The following KANSL1L variants were observed in gnomAD, a reference collection of about 807,000 sequenced individuals.
KANSL1L encodes KAT8 regulatory NSL complex subunit 1 like.
In KANSL1L, 25 loss-of-function variants were observed where a neutral mutation model predicts 108.6. The ratio of observed to expected loss-of-function variants is 0.23; its 90% CI spans 0.17 to 0.32. The LOEUF (loss-of-function observed/expected upper bound fraction) is 0.32. Among genes scored for constraint, KANSL1L ranks in the 10% least tolerant of loss-of-function variants. KANSL1L has a pLI of 1.00. For missense variants in KANSL1L, 1,137 were observed against 1,125.7 expected (o/e 1.01, Z -0.14); for synonymous variants, 405 against 395.1 (o/e 1.03, Z -0.30).
intron 3 of KANSL1L, among the ~76,000 whole-genome samples, chr2:210,105,066 C>T (rs1455078373): frequency 6.6e-6 from 1 of 152,024 alleles, no homozygotes; most frequent in Non-Finnish European, 1.5e-5. Flanking sequence ...TCCTCCATTC[C>T]CCAGCTTCCT....
At chr2:210,108,264 A>G (rs547041562) in intron 3 of KANSL1L, among the ~76,000 whole-genome samples, 10 of 152,330 alleles carry the variant, frequency 6.6e-5, no homozygotes, top group African/African-American at 1.9e-4. Context: ...CATGTTCCAT[A>G]AAATAAACAT....
chr2:210,088,033 T>A (rs2094654523), intron 5 of KANSL1L, among the ~76,000 whole-genome samples: 1 of 152,206 alleles, frequency 6.6e-6, no homozygotes. Context: ...TCTGGTTTTG[T>A]TCATTATCAT....
chr2:210,082,112 C>G (rs2125351414), intron 5 of KANSL1L, among the ~76,000 whole-genome samples: 1 of 152,166 alleles, frequency 6.6e-6, no homozygotes, highest in East Asian at 1.9e-4. Context: ...TTTTTATGTT[C>G]CATACAGACA....
chr2:210,053,168 T>C (rs73063929), intron 6 of KANSL1L, among the ~76,000 whole-genome samples: 2,480 of 152,338 alleles, frequency 0.016, 73 homozygotes, highest in African/African-American at 0.056. Context: ...TTCAAGTTTA[T>C]TTAAAGGCCT....
At chr2:210,072,837 C>T (rs1470781528) in intron 6 of KANSL1L, among the ~76,000 whole-genome samples, 1 of 152,118 alleles carries the variant, frequency 6.6e-6, no homozygotes, top group Non-Finnish European at 1.5e-5. Context: ...CTCATCAAAC[C>T]TCTCCTCAAT....
chr2:210,027,390 A>C, intron 11 of KANSL1L, 40 bp from the exon 12 acceptor site: 2 of 1,455,950 alleles, frequency 1.4e-6, no homozygotes, highest in Non-Finnish European at 1.9e-6. Flanking sequence ...GCTTTTATTT[A>C]TTTAAATGTG....
chr2:210,043,468 TA>T (rs2094190270), intron 7 of KANSL1L: 1 of 153,534 alleles, frequency 6.5e-6, no homozygotes, highest in African/African-American at 2.4e-5. Context: ...AAAGTACAGA[TA>T]CTCTTGAGGT....
chr2:210,118,616 G>A (rs1019776823), intron 3 of KANSL1L, among the ~76,000 whole-genome samples: 13 of 152,124 alleles, frequency 8.5e-5, no homozygotes, highest in Non-Finnish European at 1.5e-4. Context: ...GAAGGCCAGG[G>A]CAGGCAGACT....
rs1050199893 is a variant in KANSL1L at position 210,104,116 on chromosome 2, G to A, written c.1416C>T (p.Asn472=). 9 of 1,612,912 alleles carry A rather than the reference G, an allele frequency of 5.6e-6. No homozygotes were observed. The African/African-American group carries it at 1.1e-4, about 19-fold the overall frequency. ...SPSSPTLLLR[N]IEKQSAQLTE... ...ACTTTGACTTTACCTGTTTTTCGAT[G>A]TTTCGAAGAAGTAAAGTAGGGCTGC... is the stretch of plus-strand genomic sequence containing the variant. Residue 472 remains asparagine, a synonymous_variant, in exon 4 of 15, where the codon AAC becomes AAT. Transcript: ENST00000281772.
Position 210,117,529 on chromosome 2 carries a change from T to A in KANSL1L, c.1230+11502A>T, listed in dbSNP as rs564128688. Among the ~76,000 whole-genome samples the A allele has an allele frequency of 2.0e-5, 3 of 152,178 alleles. No individual in the cohort carries two copies. In the East Asian group the frequency reaches 5.8e-4, roughly 29 times the overall value. ...GAAAAGAAACAACATACAAAGGAGC[T>A]CCAATATGTCTGGTAGCAGACTTCT... On this transcript the variant is annotated intron_variant, in intron 3 of 14. Coordinates refer to ENST00000281772, the MANE Select transcript of KANSL1L (RefSeq NM_152519.4).
chr2:210,117,901 T>C, intron 3 of KANSL1L, among the ~76,000 whole-genome samples: 1 of 152,158 alleles, frequency 6.6e-6, no homozygotes, highest in Non-Finnish European at 1.5e-5. Context: ...CGACGGCTCA[T>C]GCCCGTAATC....
chr2:210,142,004 T>A (rs1216442185), intron 2 of KANSL1L, among the ~76,000 whole-genome samples: 1 of 152,004 alleles, frequency 6.6e-6, no homozygotes, highest in Admixed American at 6.6e-5. Context: ...CTTTTTTTTT[T>A]TTTTTCTTAT....
rs766103652 is a variant in KANSL1L at position 210,022,967 on chromosome 2, A to G, written c.2946T>C (p.Asn982=). The G allele has an allele frequency of 3.0e-5, 49 of 1,612,132 alleles. No homozygotes were observed. Among genetic ancestry groups the G allele is most frequent in the Non-Finnish European group, 3.9e-5 (46 of 1,178,816 alleles). The change falls in exon 15 of 15, where the codon AAT becomes AAC. Residue 982 remains asparagine, a synonymous_variant. Coordinates refer to ENST00000281772, the MANE Select transcript of KANSL1L (RefSeq NM_152519.4). ...TTCCCTGTCACCTATTTTTTTTAAC[A>G]TTAGTAAGTCCTAGACCAAAGGTTT... The part of the protein sequence containing the change: ...EYKTFGLGLT[N]VKKNR
chr2:210,150,664 C>T (rs1559604978), intron 2 of KANSL1L, among the ~76,000 whole-genome samples: 1 of 151,836 alleles, frequency 6.6e-6, no homozygotes, highest in African/African-American at 2.4e-5. Flanking sequence ...CACCTGTAAT[C>T]CCAGCTACTT....
chr2:210,146,387 CAGCTT>C (rs2095266164), intron 2 of KANSL1L, among the ~76,000 whole-genome samples: 1 of 152,170 alleles, frequency 6.6e-6, no homozygotes, highest in Non-Finnish European at 1.5e-5. Flanking sequence ...TTCTATCACT[CAGCTT>C]AGCTGTGCTT....
At chr2:210,066,130 A>G (rs2094465167) in intron 6 of KANSL1L, among the ~76,000 whole-genome samples, 1 of 152,204 alleles carries the variant, frequency 6.6e-6, no homozygotes, top group Non-Finnish European at 1.5e-5. Flanking sequence ...TTAATAAATT[A>G]AACAGAAAAA....
At chr2:210,154,692 A>C in intron 1 of KANSL1L, 81 bp from the exon 2 acceptor site, 1 of 760,224 alleles carries the variant, frequency 1.3e-6, no homozygotes, top group Admixed American at 3.4e-5. Flanking sequence ...CAACATGTTC[A>C]ATGTTTCTGA....
At chr2:210,084,371 G>A (rs1414596364) in intron 5 of KANSL1L, among the ~76,000 whole-genome samples, 2 of 152,038 alleles carry the variant, frequency 1.3e-5, no homozygotes, top group African/African-American at 4.8e-5. Context: ...GCAGTGAGCC[G>A]AGATCGCACC....
intron 1 of KANSL1L, among the ~76,000 whole-genome samples, chr2:210,162,253 T>C (rs2095366083): frequency 6.9e-6 from 1 of 145,018 alleles, no homozygotes; most frequent in Admixed American, 6.9e-5. Flanking sequence ...TGTATATCAA[T>C]AAAAATTAAA....
Sources: allele counts gnomAD v4.1 joint callset (sites outside exome capture counted in the v4.1 genomes callset), GRCh38; gene constraint gnomAD v4.1.1; transcripts MANE v1.5; gene names NCBI Gene and HGNC (gene_info 2026-07-23, HGNC 2026-07-21).